Variants in ITGB8 observed in about 807,000 individuals in gnomAD.
The protein encoded by ITGB8 is integrin beta-8.
ITGB8 carries 30 observed loss-of-function variants against 89.5 expected under a neutral mutation model. The observed-to-expected ratio is 0.34, with a 90% CI of 0.25 to 0.45. ITGB8 has a LOEUF of 0.45. Among genes scored for constraint, ITGB8 ranks in the 20% least tolerant of loss-of-function variants. The pLI is 1.00. For missense variants in ITGB8, 836 were observed against 933.3 expected (o/e 0.90, Z 1.36); for synonymous variants, 335 against 320.4 (o/e 1.05, Z -0.49).
rs1327720010 is a variant in ITGB8, at chr7:20,402,124, C to G, written c.1685C>G (p.Ala562Gly). Residue 562 changes from alanine to glycine, a missense_variant and splice_region_variant, in exon 10 of 14, where the codon GCT becomes GGT. Coordinates refer to ENST00000222573, the MANE Select transcript of ITGB8 (RefSeq NM_002214.3). ...CCATATCACCATGGAAATCTGTGTG[C>G]TGGTGAGTATAAATATATACAGGCA... The part of the protein sequence containing the change: ...SCPYHHGNLC[A>G]GHGECEAGRC... 6.2e-7 allele frequency: 1 copy of G among 1,606,948 alleles called. No homozygotes were observed. Among genetic ancestry groups the G allele is most frequent in the East Asian group, 2.2e-5 (1 of 44,850 alleles).
chr7:20,405,350 C>T (rs961315474), intron 11 of ITGB8, among the ~76,000 whole-genome samples: 3 of 149,682 alleles, frequency 2.0e-5, no homozygotes, highest in Non-Finnish European at 3.0e-5. Flanking sequence ...GACAGAGTCT[C>T]GCTCTGTCAC....
At chr7:20,388,175 A>G (rs1786706260) in intron 6 of ITGB8, among the ~76,000 whole-genome samples, 1 of 152,210 alleles carries the variant, frequency 6.6e-6, no homozygotes, top group Admixed American at 6.5e-5. Flanking sequence ...TCTGACATTT[A>G]TAAGTTACTT....
chr7:20,394,096 T>TA (rs1318650682), intron 7 of ITGB8, among the ~76,000 whole-genome samples: 2 of 152,248 alleles, frequency 1.3e-5, no homozygotes, highest in African/African-American at 4.8e-5. Flanking sequence ...CATTTTTCCT[T>TA]ATGACTTGAG....
In ITGB8 at chr7:20,391,377, C is replaced by A. The variant is rs1562692051; in HGVS notation, c.961-26C>A. ...GGATGGAGCTATGAAATTTCATTCC[C>A]TTATTTATTTTATTATTCATTACAG... On this transcript the variant is annotated intron_variant, in intron 6 of 13. Coordinates refer to ENST00000222573, the MANE Select transcript of ITGB8 (RefSeq NM_002214.3). 3.9e-6 allele frequency: 5 copies of A among 1,288,382 alleles called. No homozygotes were observed. In the East Asian group the frequency reaches 7.1e-5, roughly 18 times the overall value. The allele number at this position is 1,288,382 out of a possible 1,614,324, so 79.8% of individuals were successfully genotyped here.
In ITGB8 at chr7:20,409,613, A is replaced by G; in HGVS notation, c.2024-2A>G. ...TCCATTTATTTGTTTGCTTCATTAC[A>G]GAATGTTTCTCCAGCCCAAGCTACT... On this transcript the variant is annotated splice_acceptor_variant, in intron 12 of 13. Transcript: ENST00000222573. LOFTEE classifies it high-confidence loss of function. 1 of 1,593,186 alleles carries G rather than the reference A, an allele frequency of 6.3e-7. No homozygotes were observed.
intron 1 of ITGB8, among the ~76,000 whole-genome samples, chr7:20,360,197 G>C (rs879302914): frequency 1.1e-4 from 17 of 152,070 alleles, no homozygotes; most frequent in Admixed American, 1.1e-3. Flanking sequence ...TTGTGAATTT[G>C]TTTTTGCCAT....
In ITGB8 at chr7:20,342,394, G is replaced by A. The variant is rs757904834; in HGVS notation, c.127+10461G>A. Among the ~76,000 whole-genome samples the A allele has an allele frequency of 2.6e-5, 4 of 152,168 alleles. No homozygotes were observed. In the East Asian group the frequency reaches 5.8e-4, roughly 22 times the overall value. Reference sequence around the variant, plus strand: ...GCACTTTTACACATGAATTTCCTAAGGAGGAATTTGGATTCCCAAAAACAT... The same window carrying A: ...GCACTTTTACACATGAATTTCCTAAAGAGGAATTTGGATTCCCAAAAACAT... On this transcript the variant is annotated intron_variant, in intron 1 of 13. Transcript: ENST00000222573.
chr7:20,369,263 G>T (rs1785832513), intron 3 of ITGB8, among the ~76,000 whole-genome samples: 1 of 152,190 alleles, frequency 6.6e-6, no homozygotes, highest in African/African-American at 2.4e-5. Flanking sequence ...CTCTTAGTCT[G>T]TTTGGCTGCT....
rs150202559 is a variant in ITGB8, at chr7:20,368,045, C to A, written c.388+859C>A. 4.7e-3 allele frequency among the ~76,000 whole-genome samples: 719 copies of A among 152,222 alleles called. 8 individuals carry two copies. Among genetic ancestry groups the A allele is most frequent in the African/African-American group, 0.016 (677 of 41,522 alleles). Reference sequence around the variant, plus strand: ...GTCCTGTCATTAATTTTTAAATAACCATTCTTGACACACTCCCTTCCCCAT... The same window carrying A: ...GTCCTGTCATTAATTTTTAAATAACAATTCTTGACACACTCCCTTCCCCAT... On this transcript the variant is annotated intron_variant, in intron 3 of 13. Coordinates refer to ENST00000222573, the MANE Select transcript of ITGB8 (RefSeq NM_002214.3).
chr7:20,362,761 A>C (rs906114807), intron 1 of ITGB8, among the ~76,000 whole-genome samples: 12 of 152,170 alleles, frequency 7.9e-5, no homozygotes, highest in Admixed American at 7.9e-4. Flanking sequence ...AGGAAGTCTG[A>C]GATTGTTCTA....
At chr7:20,375,757 G>C (rs1786115901) in intron 3 of ITGB8, among the ~76,000 whole-genome samples, 1 of 152,108 alleles carries the variant, frequency 6.6e-6, no homozygotes, top group African/African-American at 2.4e-5. Context: ...TTAACCCATG[G>C]TGCCTTGCAA....
At chr7:20,369,522 C>A (rs183774529) in intron 3 of ITGB8, among the ~76,000 whole-genome samples, 1 of 152,274 alleles carries the variant, frequency 6.6e-6, no homozygotes, top group Non-Finnish European at 1.5e-5. Context: ...ATCATGTCGG[C>A]TCCATCCTCA....
At chr7:20,361,353 A>G (rs1021890745) in intron 1 of ITGB8, among the ~76,000 whole-genome samples, 1 of 152,214 alleles carries the variant, frequency 6.6e-6, no homozygotes, top group Non-Finnish European at 1.5e-5. Context: ...CTGTACTGCT[A>G]AAACAAAATA....
chr7:20,345,364 CTT>C (rs1290993738), intron 1 of ITGB8, among the ~76,000 whole-genome samples: 2 of 144,920 alleles, frequency 1.4e-5, no homozygotes, highest in African/African-American at 5.2e-5. Flanking sequence ...CCTCATAAGT[CTT>C]ATATTTTGGA....
At chr7:20,377,855 CT>C (rs1786216622) in intron 3 of ITGB8, among the ~76,000 whole-genome samples, 1 of 152,062 alleles carries the variant, frequency 6.6e-6, no homozygotes, top group Non-Finnish European at 1.5e-5. Flanking sequence ...GGTAATTTGG[CT>C]GAAAAACATC....
At chr7:20,345,597 A>G (rs1677866184) in intron 1 of ITGB8, among the ~76,000 whole-genome samples, 1 of 152,152 alleles carries the variant, frequency 6.6e-6, no homozygotes, top group African/African-American at 2.4e-5. Flanking sequence ...GAGAAAGGGT[A>G]GAGAGATGAG....
chr7:20,346,549 G>C (rs1784929952), intron 1 of ITGB8: 1 of 178,640 alleles, frequency 5.6e-6, no homozygotes, highest in Non-Finnish European at 1.1e-5. Context: ...TACTGTCAGT[G>C]GCTGAGGGGC....
At chr7:20,391,285 C>A in intron 6 of ITGB8, 118 bp from the exon 7 acceptor site, 1 of 461,474 alleles carries the variant, frequency 2.2e-6, no homozygotes, top group Non-Finnish European at 3.9e-6. Flanking sequence ...TTCAGTAAAA[C>A]CATAGTCCTT....
rs193157473 is a variant in ITGB8, at chr7:20,330,943, G to A, written c.-864G>A. 1,794 of 152,454 alleles carry A rather than the reference G, an allele frequency of 0.012. 35 individuals are homozygous for A. The highest frequency in any genetic ancestry group is 0.04 in the African/African-American group (1,678 of 41,586). The allele number at this position is 152,454 out of a possible 1,614,324, so 9.4% of individuals were successfully genotyped here. ...GGGCTCTGGACTGCGGGACGCCTGA[G>A]CCGCGCACTGAGGCGAAAAGGACAA... On this transcript the variant is annotated 5_prime_UTR_variant, in exon 1 of 14. Coordinates refer to ENST00000222573, the MANE Select transcript of ITGB8 (RefSeq NM_002214.3).
Sources: allele counts gnomAD v4.1 joint callset (sites outside exome capture counted in the v4.1 genomes callset), GRCh38; gene constraint gnomAD v4.1.1; transcripts MANE v1.5; gene names NCBI Gene and HGNC (gene_info 2026-07-23, HGNC 2026-07-21).